Variants in C2orf80 observed in about 807,000 individuals in gnomAD.
The protein encoded by C2orf80 is uncharacterized protein C2orf80.
C2orf80 carries 28 observed loss-of-function variants against 30.2 expected under a neutral mutation model. The ratio of observed to expected loss-of-function variants is 0.93; its 90% CI spans 0.69 to 1.27. The LOEUF is 1.27. Among genes scored for constraint, C2orf80 ranks in the 50% most tolerant of loss-of-function variants. The probability of loss-of-function intolerance (pLI) is 0.00; values close to 1 mark genes in which losing one functional copy is unlikely to be tolerated. For synonymous variants in C2orf80, 80 were observed against 76.4 expected, an observed-to-expected ratio of 1.05 and a Z score of -0.24; for missense variants, 220 against 231.0, an observed-to-expected ratio of 0.95 and a Z score of 0.31.
At chr2:208,181,592 A>T (rs185107901) in intron 4 of C2orf80, among the ~76,000 whole-genome samples, 22 of 152,252 alleles carry the variant, frequency 1.4e-4, no homozygotes, top group African/African-American at 4.6e-4. Context: ...GCAAACCATT[A>T]TCCTTTCCCT....
rs753988540 is a variant in C2orf80, at chr2:208,186,934, A to G, written c.41+12T>C. 2 of 1,611,382 alleles carry G rather than the reference A, an allele frequency of 1.2e-6. No homozygotes were observed. Among genetic ancestry groups the G allele is most frequent in the South Asian group, 2.2e-5 (2 of 91,042 alleles). ...AGTGTCATAAATGAAAGTTATTCTC[A>G]GTCATACTTACAAGAGCTTTTTCAT... On this transcript the variant is annotated intron_variant, in intron 2 of 8. Coordinates refer to ENST00000341287, the MANE Select transcript of C2orf80 (RefSeq NM_001099334.3).
At chr2:208,166,931 T>C (rs1574351713) in intron 8 of C2orf80, among the ~76,000 whole-genome samples, 1 of 152,212 alleles carries the variant, frequency 6.6e-6, no homozygotes, top group Non-Finnish European at 1.5e-5. Context: ...ATTACAGGCG[T>C]GAGCCACCAT....
chr2:208,189,423 A>C (rs983802468), intron 1 of C2orf80, among the ~76,000 whole-genome samples: 2 of 152,084 alleles, frequency 1.3e-5, no homozygotes, highest in African/African-American at 4.8e-5. Context: ...AAACCACTAA[A>C]CTGTAGGTCA....
chr2:208,184,879 T>G, intron 3 of C2orf80, 72 bp downstream of exon 3: 1 of 1,251,220 alleles, frequency 8.0e-7, no homozygotes, highest in East Asian at 2.4e-5. Context: ...ATTGTATAAA[T>G]AAGATCCTTT....
At chr2:208,174,771 C>T (rs967537586) in intron 6 of C2orf80, among the ~76,000 whole-genome samples, 4 of 152,208 alleles carry the variant, frequency 2.6e-5, no homozygotes, top group African/African-American at 9.6e-5. Flanking sequence ...GAATGATAGC[C>T]AGTCAGACGC....
At position 208,175,220 on chromosome 2, in the gene C2orf80, G is replaced by C. The variant is rs960262358; in HGVS notation, c.367-3145C>G. On this transcript the variant is annotated intron_variant, in intron 6 of 8. Coordinates refer to ENST00000341287, the MANE Select transcript of C2orf80 (RefSeq NM_001099334.3). ...AGAATCACTTGAACCCCGGGGGGGG[G>C]GGGGGCGGAGGTTGCAGTGAGCCAA... is the stretch of plus-strand genomic sequence containing the variant. Among the ~76,000 whole-genome samples, 21 of 150,872 alleles carry C rather than the reference G, an allele frequency of 1.4e-4. No homozygotes were observed. In the East Asian group the frequency reaches 1.6e-3, roughly 11 times the overall value.
intron 6 of C2orf80, 151 bp downstream of exon 6, chr2:208,180,594 C>A (rs1295998148): frequency 1.7e-6 from 1 of 601,460 alleles, no homozygotes; most frequent in Non-Finnish European, 2.9e-6. Flanking sequence ...ACACGTTATT[C>A]AAGTAAGAAA....
At chr2:208,183,096 C>T (rs370036263) in intron 3 of C2orf80, 49 bp from the exon 4 acceptor site, 21 of 1,467,130 alleles carry the variant, frequency 1.4e-5, no homozygotes, top group African/African-American at 8.3e-5. Flanking sequence ...AGACATTGGC[C>T]GAAGTACTCC....
intron 8 of C2orf80, among the ~76,000 whole-genome samples, chr2:208,167,688 T>C (rs1695944360): frequency 1.3e-5 from 2 of 151,876 alleles, no homozygotes; most frequent in Non-Finnish European, 2.9e-5. Flanking sequence ...GCAATTCTCA[T>C]GCCTCAGTCT....
At position 208,182,942 on chromosome 2, in the gene C2orf80, GC is replaced by G. The variant is rs576891908; in HGVS notation, c.206+22del. ...TCATAGGCACAAATTAAAGAGGAAAGCAACAAACCTACTTCAACTTACAGTT... is the reference window on the plus strand; with the variant it reads ...TCATAGGCACAAATTAAAGAGGAAAGAACAAACCTACTTCAACTTACAGTT... On this transcript the variant is annotated intron_variant, in intron 4 of 8. Transcript: ENST00000341287. The G allele has an allele frequency of 2.1e-5, 33 of 1,575,622 alleles. 1 individual carries two copies. In the South Asian group the frequency reaches 3.1e-4, roughly 15 times the overall value.
chr2:208,170,761 T>G (rs6435420), intron 8 of C2orf80, among the ~76,000 whole-genome samples, 184 bp downstream of exon 8: 135,879 of 152,174 alleles, frequency 0.89, 60,796 homozygotes, highest in Non-Finnish European at 0.92. Flanking sequence ...ATTTTGCAGA[T>G]GAGGAAACTA....
chr2:208,178,829 C>G (rs1015330126), intron 6 of C2orf80, among the ~76,000 whole-genome samples: 8 of 152,138 alleles, frequency 5.3e-5, no homozygotes, highest in Admixed American at 5.2e-4. Context: ...ATGATCTCAG[C>G]TCACTGCAAC....
chr2:208,176,958 T>TAC (rs1696352265), intron 6 of C2orf80, among the ~76,000 whole-genome samples: 3 of 54,972 alleles, frequency 5.5e-5, no homozygotes, highest in African/African-American at 1.7e-4. Context: ...CATATCTGTA[T>TAC]ACATATGTAT....
At chr2:208,177,773 A>C (rs183886868) in intron 6 of C2orf80, among the ~76,000 whole-genome samples, 10 of 152,168 alleles carry the variant, frequency 6.6e-5, no homozygotes, top group African/African-American at 2.4e-4. Context: ...GTCCACTTCT[A>C]CATGGCCTGT....
Position 208,165,803 on chromosome 2 carries a change from T to C in C2orf80, c.*4A>G, listed in dbSNP as rs1271044700. 20 of 1,611,274 alleles carry C rather than the reference T, an allele frequency of 1.2e-5. No individual in the cohort carries two copies. In the East Asian group the frequency reaches 4.5e-4, roughly 36 times the overall value. On this transcript the variant is annotated 3_prime_UTR_variant, in exon 9 of 9. Transcript: ENST00000341287. ...ATGAAGTTCCATGGTACAATTCCAA[T>C]TTTCTAAGTGACCTGCAGAATAAAA...
In C2orf80 at chr2:208,170,442, G is replaced by T. The variant is rs115131921; in HGVS notation, c.573+503C>A. 1.5e-3 allele frequency among the ~76,000 whole-genome samples: 235 copies of T among 152,202 alleles called. 1 individual carries two copies. The highest frequency in any genetic ancestry group is 2.9e-3 in the Non-Finnish European group (195 of 68,012). ...ACCACAAATAAATCAGGAATCAGAT[G>T]GACAGGGGAGGAGCAGGGGAGACTT... On this transcript the variant is annotated intron_variant, in intron 8 of 8. Coordinates refer to ENST00000341287, the MANE Select transcript of C2orf80 (RefSeq NM_001099334.3).
chr2:208,174,530 A>G (rs1696214812), intron 6 of C2orf80, among the ~76,000 whole-genome samples: 1 of 152,214 alleles, frequency 6.6e-6, no homozygotes, highest in African/African-American at 2.4e-5. Flanking sequence ...TGGTGCCACC[A>G]TCGTGTGCTC....
At chr2:208,187,670 G>C (rs1696758501) in intron 1 of C2orf80, among the ~76,000 whole-genome samples, 1 of 152,108 alleles carries the variant, frequency 6.6e-6, no homozygotes, top group South Asian at 2.1e-4. Context: ...TACACAGGGA[G>C]AGGTATAAAT....
chr2:208,180,330 A>G (rs552485494), intron 6 of C2orf80, among the ~76,000 whole-genome samples: 2 of 152,100 alleles, frequency 1.3e-5, no homozygotes, highest in Admixed American at 1.3e-4. Flanking sequence ...GCATGCCTGT[A>G]GTCCCAGCTA....
Sources: allele counts gnomAD v4.1 joint callset (sites outside exome capture counted in the v4.1 genomes callset), GRCh38; gene constraint gnomAD v4.1.1; transcripts MANE v1.5; gene names NCBI Gene and HGNC (gene_info 2026-07-23, HGNC 2026-07-21).